CNTNAP2: variants seen among roughly 807,000 people sequenced by gnomAD.
The protein encoded by CNTNAP2 is contactin-associated protein-like 2.
In CNTNAP2, 98 loss-of-function variants were observed where a neutral mutation model predicts 155.2. The observed-to-expected ratio is 0.63, with a 90% CI of 0.54 to 0.75. The LOEUF (loss-of-function observed/expected upper bound fraction) is 0.75, where lower values mean the gene tolerates loss of function less well. CNTNAP2 is among the 30% of genes least tolerant of loss of function. The pLI is 0.00. For synonymous variants in CNTNAP2, 651 were observed against 631.2 expected (o/e 1.03, Z -0.47); for missense variants, 1,727 against 1,688.1 (o/e 1.02, Z -0.40).
At chr7:147,539,573 G>A (rs568897473) in intron 11 of CNTNAP2, among the ~76,000 whole-genome samples, 6 of 152,262 alleles carry the variant, frequency 3.9e-5, no homozygotes, top group South Asian at 4.1e-4. Flanking sequence ...ATTGTGTTGT[G>A]TTTTTACCCC....
intron 1 of CNTNAP2, among the ~76,000 whole-genome samples, chr7:146,550,404 T>G (rs943022772): frequency 7.0e-5 from 7 of 100,390 alleles, no homozygotes; most frequent in African/African-American, 2.3e-4. Flanking sequence ...TTAATCTGTT[T>G]TTTTTTTTTT....
chr7:147,745,878 T>G (rs1296361809), intron 13 of CNTNAP2, among the ~76,000 whole-genome samples: 1 of 152,222 alleles, frequency 6.6e-6, no homozygotes. Flanking sequence ...ATAATCACTT[T>G]TATAGTTTCC....
At chr7:147,334,796 G>A (rs1311985917) in intron 9 of CNTNAP2, among the ~76,000 whole-genome samples, 1 of 152,108 alleles carries the variant, frequency 6.6e-6, no homozygotes, top group Non-Finnish European at 1.5e-5. Context: ...GTGTGAAAAC[G>A]AGGGAAGGGC....
intron 15 of CNTNAP2, among the ~76,000 whole-genome samples, chr7:147,992,387 C>T (rs1801727078): frequency 1.3e-5 from 2 of 152,164 alleles, no homozygotes; most frequent in Admixed American, 6.5e-5. Context: ...GCTGGGATTA[C>T]AGGTGTGAGC....
intron 4 of CNTNAP2, among the ~76,000 whole-genome samples, chr7:147,062,517 G>A (rs916093136): frequency 6.6e-6 from 1 of 152,028 alleles, no homozygotes; most frequent in East Asian, 1.9e-4. Context: ...TAAATGCCAC[G>A]TTTACTAAAT....
chr7:147,817,165 G>A (rs893869515), intron 13 of CNTNAP2, among the ~76,000 whole-genome samples: 2 of 152,072 alleles, frequency 1.3e-5, no homozygotes, highest in Admixed American at 1.3e-4. Context: ...TGGGAAAAAA[G>A]GAGAGGGGAA....
At chr7:146,746,834 GT>G (rs1324100987) in intron 1 of CNTNAP2, among the ~76,000 whole-genome samples, 3 of 152,194 alleles carry the variant, frequency 2.0e-5, no homozygotes, top group African/African-American at 7.2e-5. Context: ...CTGTGATTTA[GT>G]TTTATGCTTA....
At chr7:148,207,268 G>A (rs955163826) in intron 18 of CNTNAP2, among the ~76,000 whole-genome samples, 1 of 152,190 alleles carries the variant, frequency 6.6e-6, no homozygotes, top group Non-Finnish European at 1.5e-5. Context: ...ACGCAGAATC[G>A]AAGAGTGAAT....
chr7:146,448,758 T>C (rs528602545), intron 1 of CNTNAP2, among the ~76,000 whole-genome samples: 1 of 152,230 alleles, frequency 6.6e-6, no homozygotes, highest in Admixed American at 6.5e-5. Flanking sequence ...GCAATTGGAA[T>C]ATAGAACTAT....
At chr7:147,672,285 C>T (rs1795800120) in intron 13 of CNTNAP2, among the ~76,000 whole-genome samples, 1 of 152,098 alleles carries the variant, frequency 6.6e-6, no homozygotes, top group East Asian at 1.9e-4. Flanking sequence ...CCCACAAATA[C>T]CATGTTAAAC....
intron 4 of CNTNAP2, chr7:147,085,559 A>G (rs1800257758): frequency 1.3e-5 from 2 of 152,188 alleles, no homozygotes; most frequent in South Asian, 4.1e-4. Flanking sequence ...CTCCCAAAAC[A>G]CTGGCCCTGG....
At chr7:146,756,872 T>C (rs1365281223) in intron 1 of CNTNAP2, among the ~76,000 whole-genome samples, 1 of 152,116 alleles carries the variant, frequency 6.6e-6, no homozygotes, top group African/African-American at 2.4e-5. Context: ...AACATTTGTG[T>C]TATAACACGT....
intron 14 of CNTNAP2, among the ~76,000 whole-genome samples, chr7:147,917,371 G>A (rs1800178748): frequency 6.6e-6 from 1 of 152,160 alleles, no homozygotes; most frequent in African/African-American, 2.4e-5. Flanking sequence ...GCTTAAACAA[G>A]ATGAAAGTTA....
At chr7:147,144,512 T>C (rs2129287973) in intron 8 of CNTNAP2, among the ~76,000 whole-genome samples, 1 of 152,338 alleles carries the variant, frequency 6.6e-6, no homozygotes, top group East Asian at 1.9e-4. Flanking sequence ...CTGGATCACA[T>C]GTAGATCTAT....
chr7:146,699,722 C>T lies in CNTNAP2; in HGVS notation c.98-74549C>T, dbSNP rs1456445520. 2.0e-5 allele frequency among the ~76,000 whole-genome samples: 3 copies of T among 152,196 alleles called. No individual in the cohort carries two copies. The East Asian group carries it at 5.8e-4, about 29-fold the overall frequency. ...TTGACCCATGCCTGTAATCCCAGCA[C>T]TTTGGGAGGCCGAGGTGGGAGGATC... On this transcript the variant is annotated intron_variant, in intron 1 of 23. Transcript: ENST00000361727.
intron 18 of CNTNAP2, among the ~76,000 whole-genome samples, chr7:148,208,053 C>A (rs1276300400): frequency 6.6e-6 from 1 of 150,898 alleles, no homozygotes; most frequent in African/African-American, 2.4e-5. Context: ...TACGCCACTG[C>A]GCTCCAGCCT....
rs1446173402 is a variant in CNTNAP2, at chr7:147,702,927, C to CCCCT, written c.2098+63622_2098+63625dup. Among the ~76,000 whole-genome samples the CCCCT allele has an allele frequency of 5.9e-5, 9 of 152,050 alleles. No individual in the cohort carries two copies. In the South Asian group the frequency reaches 1.7e-3, roughly 28 times the overall value. On this transcript the variant is annotated intron_variant, in intron 13 of 23. Coordinates refer to ENST00000361727, the MANE Select transcript of CNTNAP2 (RefSeq NM_014141.6). ...CTGCTTGTAGCAATGAAACTAACAC[C>CCCCT]CCCTGCCCCGGTAAAACCAAGCAGT...
At chr7:146,141,470 C>G (rs1423146838) in intron 1 of CNTNAP2, among the ~76,000 whole-genome samples, 1 of 152,074 alleles carries the variant, frequency 6.6e-6, no homozygotes, top group Non-Finnish European at 1.5e-5. Flanking sequence ...AAGAAGCAAG[C>G]TAGGTTGATG....
intron 1 of CNTNAP2, among the ~76,000 whole-genome samples, chr7:146,501,223 G>A (rs1255129204): frequency 6.6e-6 from 1 of 151,992 alleles, no homozygotes; most frequent in South Asian, 2.1e-4. Context: ...AAGGTATATA[G>A]GACTCAGACA....
Sources: allele counts gnomAD v4.1 joint callset (sites outside exome capture counted in the v4.1 genomes callset), GRCh38; gene constraint gnomAD v4.1.1; transcripts MANE v1.5; gene names NCBI Gene and HGNC (gene_info 2026-07-23, HGNC 2026-07-21).